The following RCBTB1 variants were observed in gnomAD, a reference collection of about 807,000 sequenced individuals.
RCBTB1 encodes RCC1 and BTB domain-containing protein 1.
A neutral mutation model predicts 62.4 loss-of-function variants in RCBTB1; 46 were observed. The ratio of observed to expected loss-of-function variants is 0.74; its 90% CI spans 0.58 to 0.94. The LOEUF (loss-of-function observed/expected upper bound fraction) is 0.94, where lower values mean the gene tolerates loss of function less well. Among genes scored for constraint, RCBTB1 ranks in the 40% least tolerant of loss-of-function variants. The pLI is 0.00. For synonymous variants in RCBTB1, 222 were observed against 245.8 expected (o/e 0.90, Z 0.91); for missense variants, 565 against 654.9 (o/e 0.86, Z 1.50).
intron 6 of RCBTB1, among the ~76,000 whole-genome samples, chr13:49,553,145 G>A (rs527934671): frequency 6.6e-6 from 1 of 152,252 alleles, no homozygotes; most frequent in South Asian, 2.1e-4. Flanking sequence ...TCGTGCTACC[G>A]TACTCCAGCC....
At chr13:49,584,845 G>C (rs1017259748) in intron 1 of RCBTB1, among the ~76,000 whole-genome samples, 6 of 152,136 alleles carry the variant, frequency 3.9e-5, no homozygotes, top group Non-Finnish European at 7.4e-5. Flanking sequence ...CAGCGTGCTC[G>C]ATAGTCATCT....
intron 10 of RCBTB1, among the ~76,000 whole-genome samples, chr13:49,544,037 G>A (rs540287761): frequency 2.2e-4 from 33 of 152,306 alleles, no homozygotes; most frequent in Admixed American, 4.6e-4. Flanking sequence ...CAGAAGCACA[G>A]CATTCCTATG....
intron 2 of RCBTB1, among the ~76,000 whole-genome samples, chr13:49,573,351 CGTTT>C (rs759208589): frequency 5.5e-4 from 84 of 151,734 alleles, no homozygotes; most frequent in East Asian, 3.1e-3. Flanking sequence ...TTAGTTTGTT[CGTTT>C]GTTTGTTTTC....
chr13:49,562,326 TA>T, intron 4 of RCBTB1, among the ~76,000 whole-genome samples: 1 of 150,856 alleles, frequency 6.6e-6, no homozygotes, highest in Non-Finnish European at 1.5e-5. Context: ...AGAACATTTT[TA>T]AAAAATCATG....
chr13:49,581,127 T>C (rs1172259422), intron 1 of RCBTB1, among the ~76,000 whole-genome samples: 1 of 152,136 alleles, frequency 6.6e-6, no homozygotes, highest in Non-Finnish European at 1.5e-5. Context: ...TGAAGGGTCT[T>C]AAGCAGGGAA....
chr13:49,550,969 G>A (rs538645333), intron 8 of RCBTB1, among the ~76,000 whole-genome samples: 119 of 152,226 alleles, frequency 7.8e-4, no homozygotes, highest in Non-Finnish European at 6.5e-4. Flanking sequence ...TGGGCATGGT[G>A]GTACACACCT....
At chr13:49,544,353 C>T (rs1960634529) in intron 10 of RCBTB1, among the ~76,000 whole-genome samples, 1 of 152,074 alleles carries the variant, frequency 6.6e-6, no homozygotes, top group African/African-American at 2.4e-5. Flanking sequence ...CCTGTAATCC[C>T]AGCTACTCAG....
intron 12 of RCBTB1, among the ~76,000 whole-genome samples, chr13:49,539,077 C>T (rs902793426): frequency 2.0e-5 from 3 of 152,058 alleles, no homozygotes; most frequent in African/African-American, 7.2e-5. Context: ...ACCATGTTGG[C>T]CAGGCTGGTC....
At chr13:49,547,503 A>G (rs891035676) in intron 9 of RCBTB1, among the ~76,000 whole-genome samples, 1 of 152,258 alleles carries the variant, frequency 6.6e-6, no homozygotes, top group African/African-American at 2.4e-5. Flanking sequence ...TATGCTAGCA[A>G]AAAGGCAAAC....
intron 12 of RCBTB1, among the ~76,000 whole-genome samples, chr13:49,536,061 T>C (rs1400658500): frequency 6.6e-6 from 1 of 151,294 alleles, no homozygotes; most frequent in Non-Finnish European, 1.5e-5. Flanking sequence ...ACAATATAGG[T>C]ATAAAAATGG....
chr13:49,560,094 C>T lies in RCBTB1; in HGVS notation c.278-10G>A, dbSNP rs754573796. ...GCATAAACCACTCCATCTGTGCACA[C>T]AAAGCACACAAAAAATCAGCTCCAA... On this transcript the variant is annotated splice_polypyrimidine_tract_variant and intron_variant, in intron 4 of 12. Coordinates refer to ENST00000378302, the MANE Select transcript of RCBTB1 (RefSeq NM_018191.4). 1.2e-6 allele frequency: 2 copies of T among 1,606,254 alleles called. No individual in the cohort carries two copies. Among genetic ancestry groups the T allele is most frequent in the East Asian group, 2.2e-5 (1 of 44,796 alleles).
chr13:49,544,980 G>GGTATGAACTCTTGAA, intron 9 of RCBTB1, 117 bp from the exon 10 acceptor site: 1 of 795,404 alleles, frequency 1.3e-6, no homozygotes, highest in Non-Finnish European at 2.0e-6. Context: ...TTTTTTTCAA[G>GGTATGAACTCTTGAA]AGTTCATACC....
chr13:49,549,420 C>T (rs374782051), intron 9 of RCBTB1, 38 bp downstream of exon 9: 1 of 1,570,524 alleles, frequency 6.4e-7, no homozygotes. Context: ...TTGGTAGTAC[C>T]ATTCTTCCTG....
chr13:49,539,343 T>A (rs989175971), intron 12 of RCBTB1: 3 of 152,212 alleles, frequency 2.0e-5, no homozygotes, highest in African/African-American at 7.2e-5. Context: ...ATACTTAATA[T>A]GAGAAAAATG....
chr13:49,532,367 C>T lies in RCBTB1; in HGVS notation c.*1755G>A, dbSNP rs1045736155. On this transcript the variant is annotated 3_prime_UTR_variant, in exon 13 of 13. Transcript: ENST00000378302. The stretch of plus-strand genomic sequence containing the variant: ...TATGAATTTACTACTTTAATTTGTG[C>T]TTTTTTTGAAAAAAAGTTTTCAAGT... The T allele has an allele frequency of 2.0e-5, 3 of 151,932 alleles. No homozygotes were observed. The highest frequency in any genetic ancestry group is 7.3e-5 in the African/African-American group (3 of 41,228). 9.4% of individuals were successfully genotyped at this position (151,932 alleles called of 1,614,324 possible).
chr13:49,574,808 T>C (rs937293426), intron 2 of RCBTB1, among the ~76,000 whole-genome samples: 4 of 152,192 alleles, frequency 2.6e-5, no homozygotes, highest in African/African-American at 7.2e-5. Context: ...AGCAGCATTA[T>C]TCACAATAGC....
rs1319774111 is a variant in RCBTB1 at position 49,532,596 on chromosome 13, G to C, written c.*1526C>G. 6.6e-6 allele frequency: 1 copy of C among 152,366 alleles called. No homozygotes were observed. Among genetic ancestry groups the C allele is most frequent in the African/African-American group, 2.4e-5 (1 of 41,388 alleles). 9.4% of individuals were successfully genotyped at this position (152,366 alleles called of 1,614,324 possible). ...TCACTTGTGATATGGTCAAGAAAAG[G>C]GGGCTGGGGCTCCTAGGCTTGTATC... On this transcript the variant is annotated 3_prime_UTR_variant, in exon 13 of 13. Coordinates refer to ENST00000378302, the MANE Select transcript of RCBTB1 (RefSeq NM_018191.4).
At chr13:49,563,355 CAAAAAAAAAAAAA>C (rs57586924) in intron 4 of RCBTB1, among the ~76,000 whole-genome samples, 1 of 52,208 alleles carries the variant, frequency 1.9e-5, no homozygotes, top group African/African-American at 8.1e-5. Flanking sequence ...GACCCTGCCT[CAAAAAAAAAAAAA>C]AAAAAAAAAA....
At chr13:49,585,099 A>C (rs562671926) in intron 1 of RCBTB1, among the ~76,000 whole-genome samples, 23 of 152,216 alleles carry the variant, frequency 1.5e-4, no homozygotes, top group Non-Finnish European at 3.1e-4. Flanking sequence ...ATCTCCTCTC[A>C]GTAAAACGGC....
Sources: gnomAD v4.1 joint callset for allele counts (sites outside exome capture counted in the v4.1 genomes callset) on GRCh38, gnomAD v4.1.1 for gene constraint, MANE v1.5 for transcripts, NCBI Gene and HGNC (gene_info 2026-07-23, HGNC 2026-07-21) for gene names.